Variants in C10orf90 observed in about 807,000 individuals in gnomAD.
C10orf90 encodes the protein chromosome 10 open reading frame 90, also known as (E2-independent) E3 ubiquitin-conjugating enzyme FATS.
C10orf90 carries 56 observed loss-of-function variants against 62.5 expected under a neutral mutation model. The observed-to-expected ratio is 0.90, with a 90% CI of 0.72 to 1.12. The LOEUF (loss-of-function observed/expected upper bound fraction) is 1.12. C10orf90 is among the 50% of genes most tolerant of loss of function. The probability of loss-of-function intolerance (pLI) is 0.00; values close to 1 mark genes in which losing one functional copy is unlikely to be tolerated. For missense variants in C10orf90, 970 were observed against 880.4 expected (o/e 1.10, Z -1.29); for synonymous variants, 386 against 340.4 (o/e 1.13, Z -1.47).
intron 4 of C10orf90, among the ~76,000 whole-genome samples, chr10:126,467,820 C>G (rs955877562): frequency 6.6e-6 from 1 of 152,092 alleles, no homozygotes; most frequent in Non-Finnish European, 1.5e-5. Flanking sequence ...ATTGCAAAAT[C>G]CATTATATTT....
intron 2 of C10orf90, among the ~76,000 whole-genome samples, chr10:126,527,057 T>C (rs750646234): frequency 1.1e-4 from 16 of 152,174 alleles, no homozygotes; most frequent in Non-Finnish European, 2.4e-4. Context: ...ATATATGTGT[T>C]CTATTCTTAT....
At chr10:126,666,497 G>T (rs2133878756) in intron 1 of C10orf90, among the ~76,000 whole-genome samples, 1 of 152,248 alleles carries the variant, frequency 6.6e-6, no homozygotes, top group Middle Eastern at 3.4e-3. Flanking sequence ...AAAATGAGGA[G>T]ACAAGGACCT....
intron 2 of C10orf90, among the ~76,000 whole-genome samples, chr10:126,536,424 C>T (rs1864239297): frequency 6.6e-6 from 1 of 152,168 alleles, no homozygotes; most frequent in African/African-American, 2.4e-5. Context: ...GTACTATCTG[C>T]GTAAGGACCT....
chr10:126,493,326 C>T (rs1283497102), intron 4 of C10orf90, among the ~76,000 whole-genome samples: 1 of 149,848 alleles, frequency 6.7e-6, no homozygotes, highest in Non-Finnish European at 1.5e-5. Context: ...CCTCTTTTTG[C>T]TTATTTATAT....
In C10orf90 at chr10:126,456,609, C is replaced by T. The variant is rs1294764290; in HGVS notation, c.2188+2431G>A. ...AAAAGATATGTTTAAGTCCTAATCC[C>T]CCATAACTCTGAATGTGACTTCTTT... is the stretch of plus-strand genomic sequence containing the variant. On this transcript the variant is annotated intron_variant, in intron 7 of 9. Transcript: ENST00000488181. The surrounding 1 kb of genome is among the most constrained non-coding windows in gnomAD (Gnocchi z 4.9). Among the ~76,000 whole-genome samples the T allele has an allele frequency of 1.3e-5, 2 of 152,192 alleles. No individual in the cohort carries two copies. Among genetic ancestry groups the T allele is most frequent in the Admixed American group, 6.5e-5 (1 of 15,282 alleles).
At chr10:126,602,081 G>A (rs1252944869) in intron 2 of C10orf90, among the ~76,000 whole-genome samples, 1 of 152,152 alleles carries the variant, frequency 6.6e-6, no homozygotes, top group Non-Finnish European at 1.5e-5. Flanking sequence ...TTACATGAGC[G>A]CACAGTCTGT....
At chr10:126,566,646 C>T (rs903596397) in intron 2 of C10orf90, among the ~76,000 whole-genome samples, 17 of 152,178 alleles carry the variant, frequency 1.1e-4, no homozygotes, top group Non-Finnish European at 2.1e-4. Context: ...GGAAGGACGT[C>T]GGTTGAGGTT....
At chr10:126,451,238 G>T (rs1057450185) in intron 7 of C10orf90, among the ~76,000 whole-genome samples, 1 of 152,138 alleles carries the variant, frequency 6.6e-6, no homozygotes, top group Non-Finnish European at 1.5e-5. Context: ...CACTGCTGTG[G>T]GGATGTAAAT....
intron 1 of C10orf90, among the ~76,000 whole-genome samples, chr10:126,655,658 C>T (rs1275844154): frequency 6.6e-6 from 1 of 152,184 alleles, no homozygotes; most frequent in Non-Finnish European, 1.5e-5. Context: ...CCGCTTCCTA[C>T]TTTCCCCCAA....
intron 4 of C10orf90, among the ~76,000 whole-genome samples, chr10:126,494,882 C>A (rs1050663331): frequency 6.6e-6 from 1 of 152,222 alleles, no homozygotes; most frequent in Non-Finnish European, 1.5e-5. Context: ...AAGAGGACAC[C>A]TGTCCTGTGC....
intron 2 of C10orf90, chr10:126,520,056 G>A (rs11245015): frequency 0.079 from 12,095 of 152,264 alleles, 1,564 homozygotes; most frequent in African/African-American, 0.27. Context: ...TTCATCTGGG[G>A]CAACATCCTC....
chr10:126,496,594 A>AC, intron 4 of C10orf90: 17 of 897,420 alleles, frequency 1.9e-5, no homozygotes, highest in Non-Finnish European at 2.3e-5. Flanking sequence ...TTCCCCCGCC[A>AC]CCCTCCACTT....
At position 126,456,050 on chromosome 10, in the gene C10orf90, C is replaced by A. The variant is rs955344956; in HGVS notation, c.2188+2990G>T. Among the ~76,000 whole-genome samples, 1 of 152,256 alleles carries A rather than the reference C, an allele frequency of 6.6e-6. No homozygotes were observed. The highest frequency in any genetic ancestry group is 1.5e-5 in the Non-Finnish European group (1 of 68,044). On this transcript the variant is annotated intron_variant, in intron 7 of 9. Transcript: ENST00000488181. The surrounding 1 kb of genome is among the most constrained non-coding windows in gnomAD (Gnocchi z 4.9). Reference sequence around the variant, plus strand: ...AGCACCAAAAGCAAATAGGAGTCTTCTTTTTAACAGACGCCTTGACACTGT... The same window carrying A: ...AGCACCAAAAGCAAATAGGAGTCTTATTTTTAACAGACGCCTTGACACTGT...
At chr10:126,593,534 T>C (rs990928760) in intron 2 of C10orf90, among the ~76,000 whole-genome samples, 1 of 151,894 alleles carries the variant, frequency 6.6e-6, no homozygotes, top group African/African-American at 2.4e-5. Flanking sequence ...ACAACACACA[T>C]TGAGGACTGT....
chr10:126,471,095 T>C (rs535791000), intron 4 of C10orf90, among the ~76,000 whole-genome samples: 17 of 152,158 alleles, frequency 1.1e-4, no homozygotes, highest in Admixed American at 2.0e-4. Flanking sequence ...GCAAATGGGA[T>C]AAACAGCTCC....
chr10:126,525,264 C>T (rs1037886473), intron 2 of C10orf90, among the ~76,000 whole-genome samples: 1 of 152,188 alleles, frequency 6.6e-6, no homozygotes, highest in African/African-American at 2.4e-5. Context: ...GCGCATTCGG[C>T]CCACTGCAAA....
intron 2 of C10orf90, among the ~76,000 whole-genome samples, chr10:126,534,133 A>G (rs1864173020): frequency 6.6e-6 from 1 of 152,180 alleles, no homozygotes; most frequent in Non-Finnish European, 1.5e-5. Context: ...TGAGGATTTC[A>G]TCTTGCCCCA....
chr10:126,496,279 G>A (rs530782086), intron 4 of C10orf90, among the ~76,000 whole-genome samples: 59 of 152,152 alleles, frequency 3.9e-4, no homozygotes, highest in Admixed American at 1.2e-3. Context: ...AAAAAACAAA[G>A]CCATTCTCTC....
At chr10:126,481,803 C>T (rs1244445611) in intron 4 of C10orf90, among the ~76,000 whole-genome samples, 1 of 152,152 alleles carries the variant, frequency 6.6e-6, no homozygotes, top group Non-Finnish European at 1.5e-5. Context: ...AAAACCTCCT[C>T]CCCAAGTTGG....
Sources: allele counts gnomAD v4.1 joint callset (sites outside exome capture counted in the v4.1 genomes callset), GRCh38; gene constraint gnomAD v4.1.1; non-coding constraint Gnocchi (gnomAD v3.1); transcripts MANE v1.5; gene names NCBI Gene and HGNC (gene_info 2026-07-23, HGNC 2026-07-21).